Variants in GRM7 observed in about 807,000 individuals in gnomAD.
GRM7 encodes glutamate metabotropic receptor 7.
A neutral mutation model predicts 84.5 loss-of-function variants in GRM7; 35 were observed. The ratio of observed to expected loss-of-function variants is 0.41; its 90% CI spans 0.32 to 0.55. The LOEUF (loss-of-function observed/expected upper bound fraction) is 0.55. Ranked by LOEUF, GRM7 falls within the 20% of genes least tolerant of loss-of-function variation. The pLI is 0.19. For missense variants in GRM7, 1,003 were observed against 1,194.6 expected, an observed-to-expected ratio of 0.84 and a Z score of 2.36; for synonymous variants, 487 against 455.1, an observed-to-expected ratio of 1.07 and a Z score of -0.89.
intron 1 of GRM7, among the ~76,000 whole-genome samples, chr3:6,995,947 A>G (rs938274753): frequency 2.0e-5 from 3 of 152,124 alleles, no homozygotes; most frequent in Non-Finnish European, 2.9e-5. Flanking sequence ...CTGATTTTCT[A>G]TTTTTTGAGT....
chr3:7,693,715 G>C, intron 9 of GRM7: 1 of 1,432,446 alleles, frequency 7.0e-7, no homozygotes, highest in East Asian at 2.5e-5. Context: ...CCTTCTAAGT[G>C]TCCTAAGGAA....
chr3:7,541,670 C>G (rs1432420135), intron 7 of GRM7, among the ~76,000 whole-genome samples: 1 of 152,158 alleles, frequency 6.6e-6, no homozygotes, highest in Non-Finnish European at 1.5e-5. Flanking sequence ...CAACCTTAAT[C>G]CAATCGACGA....
At chr3:6,998,681 C>T (rs1694910702) in intron 1 of GRM7, among the ~76,000 whole-genome samples, 1 of 152,226 alleles carries the variant, frequency 6.6e-6, no homozygotes, top group East Asian at 1.9e-4. Flanking sequence ...TTCCAAACCT[C>T]AATTGTTGAC....
intron 1 of GRM7, among the ~76,000 whole-genome samples, chr3:7,136,810 G>A (rs1362103048): frequency 1.3e-5 from 2 of 152,122 alleles, no homozygotes; most frequent in Admixed American, 6.6e-5. Context: ...AAACAATGAT[G>A]AGCAAGGTCT....
intron 1 of GRM7, among the ~76,000 whole-genome samples, chr3:6,981,714 T>A (rs1203110775): frequency 1.3e-5 from 2 of 152,006 alleles, no homozygotes; most frequent in Non-Finnish European, 2.9e-5. Context: ...TTATTAATGA[T>A]CAGAGAAACG....
At chr3:7,446,275 C>T (rs1269741410) in intron 5 of GRM7, among the ~76,000 whole-genome samples, 1 of 152,116 alleles carries the variant, frequency 6.6e-6, no homozygotes. Flanking sequence ...TTATTCACTC[C>T]CTTAAAACCA....
intron 1 of GRM7, among the ~76,000 whole-genome samples, chr3:6,973,749 A>C (rs1693867039): frequency 6.6e-6 from 1 of 152,228 alleles, no homozygotes; most frequent in Non-Finnish European, 1.5e-5. Flanking sequence ...AAGAGCAGCA[A>C]GGAATAAAAT....
intron 9 of GRM7, among the ~76,000 whole-genome samples, chr3:7,714,777 G>A (rs943054431): frequency 2.6e-5 from 4 of 152,302 alleles, no homozygotes; most frequent in African/African-American, 9.6e-5. Context: ...CTGTAACAGA[G>A]TCCATTTCCT....
intron 2 of GRM7, among the ~76,000 whole-genome samples, chr3:7,231,395 T>A (rs1446343969): frequency 6.6e-6 from 1 of 152,226 alleles, no homozygotes; most frequent in Non-Finnish European, 1.5e-5. Context: ...CAGATGAACA[T>A]ATGGCATTCT....
intron 2 of GRM7, among the ~76,000 whole-genome samples, chr3:7,209,715 G>A (rs1696357203): frequency 6.6e-6 from 1 of 152,156 alleles, no homozygotes; most frequent in African/African-American, 2.4e-5. Context: ...AAACTGAAGA[G>A]AAGGCATACA....
chr3:7,424,690 T>C (rs1412649143), intron 5 of GRM7, among the ~76,000 whole-genome samples: 1 of 152,188 alleles, frequency 6.6e-6, no homozygotes, highest in African/African-American at 2.4e-5. Context: ...ACAAGTGAGC[T>C]GCACTGGGCC....
intron 8 of GRM7, among the ~76,000 whole-genome samples, chr3:7,591,235 TAAAA>T (rs1165548991): frequency 6.6e-6 from 1 of 152,106 alleles, no homozygotes; most frequent in Non-Finnish European, 1.5e-5. Flanking sequence ...CTGTTAAACA[TAAAA>T]AAGACTTTCT....
intron 7 of GRM7, among the ~76,000 whole-genome samples, chr3:7,468,459 ATG>A (rs1165330017): frequency 6.6e-6 from 1 of 152,364 alleles, no homozygotes; most frequent in East Asian, 1.9e-4. Flanking sequence ...TCACTGAGTT[ATG>A]GTTAGCATTA....
At chr3:7,690,990 A>G (rs903002795) in intron 9 of GRM7, 1 of 352,992 alleles carries the variant, frequency 2.8e-6, no homozygotes, top group African/African-American at 2.2e-5. Flanking sequence ...AAGAGAGGTG[A>G]CCCTTGTGAC....
chr3:7,313,915 G>GGAGAGAGA lies in GRM7; in HGVS notation c.1033+7278_1033+7285dup, dbSNP rs35959092. Among the ~76,000 whole-genome samples, 3 of 149,680 alleles carry GGAGAGAGA rather than the reference G, an allele frequency of 2.0e-5. No homozygotes were observed. In the East Asian group the frequency reaches 5.9e-4, roughly 29 times the overall value. On this transcript the variant is annotated intron_variant, in intron 4 of 9. Coordinates refer to ENST00000357716, the MANE Select transcript of GRM7 (RefSeq NM_000844.4). ...ATGAGTGGCAGCAAAGTTGTAAAATGGAGAGAGAGAGAGAGAGAGAGATTT... is the reference window on the plus strand; with the variant it reads ...ATGAGTGGCAGCAAAGTTGTAAAATGGAGAGAGAGAGAGAGAGAGAGAGAGAGAGATTT...
At chr3:7,306,355 G>T in intron 3 of GRM7, 143 bp from the exon 4 acceptor site, 1 of 648,624 alleles carries the variant, frequency 1.5e-6, no homozygotes, top group South Asian at 2.0e-5. Flanking sequence ...TATATATTAG[G>T]GATATAAATT....
intron 1 of GRM7, among the ~76,000 whole-genome samples, chr3:7,034,646 C>G (rs1696316715): frequency 1.3e-5 from 2 of 152,016 alleles, no homozygotes; most frequent in Non-Finnish European, 2.9e-5. Context: ...TGATTTTTTT[C>G]TCAGCTTTGG....
At chr3:6,977,589 C>T (rs1694049128) in intron 1 of GRM7, among the ~76,000 whole-genome samples, 1 of 152,128 alleles carries the variant, frequency 6.6e-6, no homozygotes, top group African/African-American at 2.4e-5. Context: ...GAAAGCAAAA[C>T]AAGCAAGCAA....
intron 1 of GRM7, among the ~76,000 whole-genome samples, chr3:6,966,939 G>A (rs1431785577): frequency 6.6e-6 from 1 of 152,068 alleles, no homozygotes; most frequent in East Asian, 1.9e-4. Context: ...CTCCTATAAG[G>A]GGGAATAATA....
Sources: gnomAD v4.1 joint callset for allele counts (sites outside exome capture counted in the v4.1 genomes callset) on GRCh38, gnomAD v4.1.1 for gene constraint, MANE v1.5 for transcripts, NCBI Gene and HGNC (gene_info 2026-07-23, HGNC 2026-07-21) for gene names.